The following FCHSD2 variants were observed in gnomAD, a reference collection of about 807,000 sequenced individuals.
The protein encoded by FCHSD2 is FCH and double SH3 domains 2, also known as F-BAR and double SH3 domains protein 2.
FCHSD2 carries 38 observed loss-of-function variants against 108.1 expected under a neutral mutation model. That is an observed-to-expected ratio of 0.35 (90% CI 0.27 to 0.46). The LOEUF (loss-of-function observed/expected upper bound fraction) is 0.46. FCHSD2 is among the 20% of genes least tolerant of loss of function. The pLI, the probability that FCHSD2 is intolerant of heterozygous loss-of-function variation, is 1.00. For synonymous variants in FCHSD2, 279 were observed against 314.7 expected (o/e 0.89, Z 1.20); for missense variants, 751 against 897.8 (o/e 0.84, Z 2.09).
intron 5 of FCHSD2, among the ~76,000 whole-genome samples, chr11:72,990,013 G>T (rs1857380283): frequency 1.3e-5 from 2 of 152,098 alleles, no homozygotes; most frequent in Admixed American, 6.6e-5. Context: ...TTAACCATAT[G>T]ACATACAGGC....
At chr11:72,891,767 C>T (rs1855319175) in intron 10 of FCHSD2, among the ~76,000 whole-genome samples, 1 of 152,190 alleles carries the variant, frequency 6.6e-6, no homozygotes, top group Non-Finnish European at 1.5e-5. Flanking sequence ...TGTTAATTAT[C>T]TGAGTCGTAG....
intron 3 of FCHSD2, among the ~76,000 whole-genome samples, chr11:73,033,287 C>CA (rs34802040): frequency 0.27 from 30,466 of 113,884 alleles, 3,978 homozygotes; most frequent in Middle Eastern, 0.45. Context: ...GATTCCGACT[C>CA]AAAAAAAAAA....
intron 13 of FCHSD2, among the ~76,000 whole-genome samples, chr11:72,863,458 C>G (rs1009590733): frequency 6.6e-6 from 1 of 152,060 alleles, no homozygotes; most frequent in Non-Finnish European, 1.5e-5. Context: ...GATTTCTTAG[C>G]TACCACACCA....
chr11:73,009,290 A>T (rs1473087079), intron 4 of FCHSD2, among the ~76,000 whole-genome samples: 1 of 152,060 alleles, frequency 6.6e-6, no homozygotes, highest in East Asian at 1.9e-4. Flanking sequence ...GAGATCAAAG[A>T]GTTTGAGACC....
intron 2 of FCHSD2, among the ~76,000 whole-genome samples, chr11:73,131,203 G>A (rs776712595): frequency 2.0e-4 from 30 of 151,260 alleles, no homozygotes; most frequent in South Asian, 4.2e-4. Context: ...ACCAAATAAC[G>A]AAATCCCATC....
intron 10 of FCHSD2, among the ~76,000 whole-genome samples, chr11:72,899,145 T>C (rs1368902399): frequency 2.0e-5 from 3 of 152,240 alleles, no homozygotes; most frequent in Non-Finnish European, 4.4e-5. Flanking sequence ...ATATAGGTAA[T>C]GCCATTAGAA....
intron 3 of FCHSD2, among the ~76,000 whole-genome samples, chr11:73,073,537 T>C (rs778070089): frequency 1.1e-4 from 16 of 152,198 alleles, no homozygotes; most frequent in Admixed American, 8.5e-4. Flanking sequence ...ATTGCTGTCA[T>C]ACGATCAATC....
At chr11:72,864,645 C>T (rs1048266761) in intron 13 of FCHSD2, among the ~76,000 whole-genome samples, 2 of 152,184 alleles carry the variant, frequency 1.3e-5, no homozygotes, top group African/African-American at 4.8e-5. Flanking sequence ...CACCAAATTG[C>T]TAGCTGTGCT....
rs181984515 is a variant in FCHSD2 at position 72,968,648 on chromosome 11, T to C, written c.705+15440A>G. On this transcript the variant is annotated intron_variant, in intron 8 of 19. Transcript: ENST00000409418. ...GGGGTTATTCTGATTTCCAAAATGA[T>C]AGTGCTGGCATGGAATTTCAGAAGC... Among the ~76,000 whole-genome samples the C allele has an allele frequency of 7.2e-5, 11 of 152,366 alleles. 1 individual carries two copies. The highest frequency in any genetic ancestry group is 6.8e-3 in the Middle Eastern group (2 of 294).
intron 3 of FCHSD2, among the ~76,000 whole-genome samples, chr11:73,039,227 C>T (rs2135460919): frequency 8.4e-6 from 1 of 118,938 alleles, no homozygotes; most frequent in East Asian, 2.3e-4. Flanking sequence ...CATAACAGAA[C>T]CTAACTTTCT....
At chr11:72,861,395 C>A (rs1350342576) in intron 13 of FCHSD2, among the ~76,000 whole-genome samples, 2 of 142,730 alleles carry the variant, frequency 1.4e-5, no homozygotes, top group African/African-American at 5.1e-5. Flanking sequence ...TAAAAACTTC[C>A]AAAAAAAAAA....
intron 3 of FCHSD2, among the ~76,000 whole-genome samples, chr11:73,078,383 C>T (rs759762938): frequency 5.3e-5 from 8 of 152,036 alleles, no homozygotes; most frequent in Non-Finnish European, 7.4e-5. Flanking sequence ...CTTAAAGACA[C>T]GTATAAAACC....
chr11:72,871,590 C>G (rs1188508884), intron 12 of FCHSD2, among the ~76,000 whole-genome samples: 3 of 12,164 alleles, frequency 2.5e-4, no homozygotes, highest in Non-Finnish European at 4.6e-4. Context: ...CTTGGACAAA[C>G]AAGTTGGAGC....
In FCHSD2 at chr11:72,843,432, T is replaced by C. The variant is rs768481270; in HGVS notation, c.1527+17A>G. 8 of 1,609,114 alleles carry C rather than the reference T, an allele frequency of 5.0e-6. No homozygotes were observed. Among genetic ancestry groups the C allele is most frequent in the Non-Finnish European group, 6.8e-6 (8 of 1,175,566 alleles). On this transcript the variant is annotated intron_variant, in intron 15 of 19. Transcript: ENST00000409418. ...AAAAATGTCACAAGAAAGGGCGATA[T>C]GAGCAAAGGAATATACCTTTACCCA...
In FCHSD2 at chr11:72,843,475, C is replaced by A; in HGVS notation, c.1501G>T (p.Asp501Tyr). 6.2e-7 allele frequency: 1 copy of A among 1,613,712 alleles called. No homozygotes were observed. The highest frequency in any genetic ancestry group is 8.5e-7 in the Non-Finnish European group (1 of 1,179,610). Reference protein sequence around the residue: ...EEHEVLEVIEDGDMEDWVKAR... With the variant: ...EEHEVLEVIEYGDMEDWVKAR... Reference sequence around the variant, plus strand: ...TTTACCCAGTCTTCCATATCTCCATCTTCAATCACTTCTAACACCTCATGT... The same window carrying A: ...TTTACCCAGTCTTCCATATCTCCATATTCAATCACTTCTAACACCTCATGT... Residue 501 changes from aspartate to tyrosine, a missense_variant, in exon 15 of 20, where the codon GAT (aspartate) becomes TAT (tyrosine). Asp to Tyr is a radical substitution (Grantham distance 160). Coordinates refer to ENST00000409418, the MANE Select transcript of FCHSD2 (RefSeq NM_014824.3).
At chr11:73,086,839 C>T (rs796288946) in intron 2 of FCHSD2, among the ~76,000 whole-genome samples, 19 of 152,248 alleles carry the variant, frequency 1.2e-4, no homozygotes, top group African/African-American at 4.6e-4. Flanking sequence ...TAGATAAATA[C>T]AATGTGGTAT....
At chr11:73,094,190 T>C (rs749607211) in intron 2 of FCHSD2, among the ~76,000 whole-genome samples, 9 of 151,982 alleles carry the variant, frequency 5.9e-5, no homozygotes, top group Admixed American at 1.3e-4. Flanking sequence ...CAGCCTGGGC[T>C]ACAGAGCAAG....
At chr11:72,983,361 TCAGGAGGATGAGG>T (rs2135398368) in intron 8 of FCHSD2, among the ~76,000 whole-genome samples, 1 of 151,384 alleles carries the variant, frequency 6.6e-6, no homozygotes, top group South Asian at 2.1e-4. Flanking sequence ...TCCCAGCTAC[TCAGGAGGATGAGG>T]CGGGAGGATT....
At chr11:72,983,226 G>A (rs1481167982) in intron 8 of FCHSD2, among the ~76,000 whole-genome samples, 12 of 151,056 alleles carry the variant, frequency 7.9e-5, no homozygotes, top group African/African-American at 1.2e-4. Flanking sequence ...CCCGGGAGGC[G>A]GAGCTTGCAG....
Sources: gnomAD v4.1 joint callset for allele counts (sites outside exome capture counted in the v4.1 genomes callset) on GRCh38, gnomAD v4.1.1 for gene constraint, MANE v1.5 for transcripts, NCBI Gene and HGNC (gene_info 2026-07-23, HGNC 2026-07-21) for gene names.